Variants in CFAP70 observed in about 807,000 individuals in gnomAD.
CFAP70 encodes the protein cilia and flagella associated protein 70, also known as cilia- and flagella-associated protein 70.
In CFAP70, 81 loss-of-function variants were observed where a neutral mutation model predicts 137.6. That is an observed-to-expected ratio of 0.59 (90% confidence interval 0.49 to 0.71). CFAP70 has a LOEUF of 0.71. Ranked by LOEUF, CFAP70 falls within the 30% of genes least tolerant of loss-of-function variation. CFAP70 has a pLI of 0.00. For missense variants in CFAP70, 976 were observed against 1,226.7 expected (o/e 0.80, Z 3.05); for synonymous variants, 382 against 423.6 (o/e 0.90, Z 1.20).
chr10:73,318,159 A>G (rs2050553847), intron 9 of CFAP70, among the ~76,000 whole-genome samples: 2 of 152,144 alleles, frequency 1.3e-5, no homozygotes, highest in Non-Finnish European at 2.9e-5. Context: ...CCAGACACGA[A>G]GGCCTCAAAC....
chr10:73,267,451 G>C (rs11000574), intron 25 of CFAP70, among the ~76,000 whole-genome samples: 15,962 of 152,204 alleles, frequency 0.1, 1,192 homozygotes, highest in East Asian at 0.29. Flanking sequence ...AATGTCACTT[G>C]CACCATATTC....
intron 12 of CFAP70, among the ~76,000 whole-genome samples, chr10:73,305,203 C>A (rs776453976): frequency 1.3e-5 from 2 of 152,124 alleles, no homozygotes; most frequent in Non-Finnish European, 2.9e-5. Context: ...TAACTCAGTG[C>A]GGAAAAGCAC....
exon 6 of CFAP70, chr10:73,341,572 G>A: frequency 1.2e-6 from 2 of 1,613,446 alleles, no homozygotes; most frequent in Non-Finnish European, 1.7e-6. Flanking sequence ...AATAAAATGG[G>A]ATAGTCCTTC....
chr10:73,280,871 G>T (rs1157995420), intron 19 of CFAP70, among the ~76,000 whole-genome samples: 1 of 151,870 alleles, frequency 6.6e-6, no homozygotes, highest in East Asian at 1.9e-4. Context: ...TTCATTGATT[G>T]TCTCTATTTT....
At chr10:73,334,494 T>C (rs1216002202) in intron 7 of CFAP70, among the ~76,000 whole-genome samples, 1 of 152,022 alleles carries the variant, frequency 6.6e-6, no homozygotes, top group Non-Finnish European at 1.5e-5. Context: ...TGGATGGAAG[T>C]CACATAGTTA....
intron 12 of CFAP70, among the ~76,000 whole-genome samples, chr10:73,308,797 T>A (rs1464659826): frequency 1.5e-4 from 14 of 91,506 alleles, no homozygotes; most frequent in East Asian, 6.0e-4. Context: ...AAAGAAGAAA[T>A]CACAAGAGAA....
chr10:73,328,434 G>A (rs1282601242), intron 8 of CFAP70, among the ~76,000 whole-genome samples: 1 of 150,364 alleles, frequency 6.7e-6, no homozygotes, highest in Non-Finnish European at 1.5e-5. Flanking sequence ...CATGGGCAAG[G>A]ACTTCATGTC....
chr10:73,277,776 G>GA (rs1400932171), intron 20 of CFAP70, among the ~76,000 whole-genome samples: 1 of 151,918 alleles, frequency 6.6e-6, no homozygotes, highest in Non-Finnish European at 1.5e-5. Context: ...TAATACATGA[G>GA]AGGGATCATA....
chr10:73,265,245 C>A (rs2045645407), intron 25 of CFAP70, among the ~76,000 whole-genome samples: 1 of 151,584 alleles, frequency 6.6e-6, no homozygotes, highest in Non-Finnish European at 1.5e-5. Flanking sequence ...GAATGGTGAA[C>A]CTGGGAGGCG....
intron 9 of CFAP70, among the ~76,000 whole-genome samples, chr10:73,316,494 A>ATC (rs1408379092): frequency 3.8e-5 from 5 of 132,146 alleles, no homozygotes; most frequent in South Asian, 2.7e-4. Flanking sequence ...ATAGATATAT[A>ATC]TATATATATA....
At chr10:73,272,793 A>G in intron 24 of CFAP70, 135 bp downstream of exon 25, 1 of 791,168 alleles carries the variant, frequency 1.3e-6, no homozygotes, top group Middle Eastern at 2.2e-4. Context: ...ACACCTTTGA[A>G]GAACAACTTT....
chr10:73,316,475 T>C (rs111290178), intron 9 of CFAP70, among the ~76,000 whole-genome samples: 5 of 116,328 alleles, frequency 4.3e-5, no homozygotes, highest in Non-Finnish European at 7.0e-5. Flanking sequence ...TATATATATA[T>C]ATATAGATAT....
chr10:73,288,395 TA>T (rs2047908471), intron 19 of CFAP70, among the ~76,000 whole-genome samples: 1 of 152,078 alleles, frequency 6.6e-6, no homozygotes, highest in Non-Finnish European at 1.5e-5. Context: ...AATAATAATA[TA>T]AACATTGATA....
intron 13 of CFAP70, 75 bp from the exon 15 acceptor site, chr10:73,299,176 T>G (rs2048751245): frequency 1.8e-6 from 2 of 1,084,868 alleles, no homozygotes; most frequent in Non-Finnish European, 1.3e-6. Context: ...AAACTGGATT[T>G]GGTTTTATGT....
At chr10:73,314,184 T>C (rs1366447455) in intron 9 of CFAP70, among the ~76,000 whole-genome samples, 1 of 152,144 alleles carries the variant, frequency 6.6e-6, no homozygotes, top group Non-Finnish European at 1.5e-5. Flanking sequence ...AAAGGAATAA[T>C]AGAAGACACA....
chr10:73,310,206 A>C, exon 12 of CFAP70: 3 of 1,613,274 alleles, frequency 1.9e-6, no homozygotes, highest in Non-Finnish European at 2.5e-6. Context: ...GGCTTTGTCC[A>C]GCTGAATTTC....
chr10:73,344,483 T>C (rs778647336), intron 5 of CFAP70, among the ~76,000 whole-genome samples: 1 of 152,226 alleles, frequency 6.6e-6, no homozygotes, highest in East Asian at 1.9e-4. Flanking sequence ...GTCCCAGTTG[T>C]GGTGCTGAAA....
At chr10:73,272,877 A>G in intron 24 of CFAP70, 51 bp downstream of exon 25, 1 of 1,485,418 alleles carries the variant, frequency 6.7e-7, no homozygotes, top group Non-Finnish European at 9.2e-7. Flanking sequence ...AGGCCAAGGA[A>G]TCAAGGTCAG....
chr10:73,348,209 G>A, intron 4 of CFAP70: 1 of 1,614,196 alleles, frequency 6.2e-7, no homozygotes, highest in East Asian at 2.2e-5. Context: ...GGGTGCAATG[G>A]AACTGTTGTT....
Sources: allele counts gnomAD v4.1 joint callset (sites outside exome capture counted in the v4.1 genomes callset), GRCh38; gene constraint gnomAD v4.1.1; transcripts MANE v1.5; gene names NCBI Gene and HGNC (gene_info 2026-07-23, HGNC 2026-07-21).